Variants in SDCCAG8 observed in about 807,000 individuals in gnomAD.
SDCCAG8 encodes serologically defined colon cancer antigen 8.
In SDCCAG8, 74 loss-of-function variants were observed where a neutral mutation model predicts 101.8. The observed-to-expected ratio is 0.73, with a 90% CI of 0.60 to 0.88. SDCCAG8 has a LOEUF of 0.88. Ranked by LOEUF, SDCCAG8 falls within the 40% of genes least tolerant of loss-of-function variation. The probability of loss-of-function intolerance (pLI) is 0.00; values close to 1 mark genes in which losing one functional copy is unlikely to be tolerated. For synonymous variants in SDCCAG8, 281 were observed against 292.9 expected (o/e 0.96, Z 0.41); for missense variants, 787 against 822.6 (o/e 0.96, Z 0.53).
In SDCCAG8 at chr1:243,316,804, G is replaced by A; in HGVS notation, c.979G>A (p.Ala327Thr). The change falls in exon 9 of 18, where the codon GCA (alanine) becomes ACA (threonine). Residue 327 changes from alanine (A) to threonine (T), a missense_variant. Coordinates refer to ENST00000366541, the MANE Select transcript of SDCCAG8 (RefSeq NM_006642.5). ...ACTAGTTTCCGTAAGGAGCAGCTTGGCAGATACGCAGCAAAGAGAAGCAAG... is the reference window on the plus strand; with the variant it reads ...ACTAGTTTCCGTAAGGAGCAGCTTGACAGATACGCAGCAAAGAGAAGCAAG... Reference protein sequence around the residue: ...SALVSVRSSLADTQQREASAY... With the variant: ...SALVSVRSSLTDTQQREASAY... The A allele has an allele frequency of 6.2e-7, 1 of 1,614,194 alleles. No homozygotes were observed. The highest frequency in any genetic ancestry group is 8.5e-7 in the Non-Finnish European group (1 of 1,180,024).
At chr1:243,317,319 ATTTTTT>A (rs34669151) in intron 9 of SDCCAG8, among the ~76,000 whole-genome samples, 2 of 133,582 alleles carry the variant, frequency 1.5e-5, no homozygotes, top group South Asian at 4.8e-4. Flanking sequence ...ATTTAGTAGC[ATTTTTT>A]TTTTTTTTTT....
chr1:243,399,155 A>G (rs1218445380), intron 13 of SDCCAG8, among the ~76,000 whole-genome samples: 1 of 152,276 alleles, frequency 6.6e-6, no homozygotes, highest in Non-Finnish European at 1.5e-5. Context: ...ATCTAGCTCA[A>G]CACTTATAAT....
intron 13 of SDCCAG8, among the ~76,000 whole-genome samples, chr1:243,388,698 CAAAAAAAA>C (rs11296139): frequency 1.5e-5 from 2 of 134,336 alleles, no homozygotes; most frequent in Non-Finnish European, 3.2e-5. Flanking sequence ...CCAGCTCTAC[CAAAAAAAA>C]AAAAAAAAAA....
chr1:243,370,951 G>T (rs917387307), intron 12 of SDCCAG8, among the ~76,000 whole-genome samples: 1 of 152,112 alleles, frequency 6.6e-6, no homozygotes, highest in Non-Finnish European at 1.5e-5. Flanking sequence ...TTGATTCTTA[G>T]GCTGGCGTGG....
chr1:243,477,216 G>A (rs541102267), intron 16 of SDCCAG8, among the ~76,000 whole-genome samples: 6 of 152,192 alleles, frequency 3.9e-5, no homozygotes, highest in East Asian at 3.8e-4. Context: ...TACAGTGTGC[G>A]TGGCAGTGTG....
At chr1:243,451,431 G>A (rs542437749) in intron 16 of SDCCAG8, among the ~76,000 whole-genome samples, 19 of 151,938 alleles carry the variant, frequency 1.3e-4, no homozygotes, top group Non-Finnish European at 1.9e-4. Flanking sequence ...CCTATCTCCC[G>A]CTTTCCTTAA....
At chr1:243,385,830 A>G (rs2078249506) in intron 13 of SDCCAG8, among the ~76,000 whole-genome samples, 1 of 152,126 alleles carries the variant, frequency 6.6e-6, no homozygotes, top group Non-Finnish European at 1.5e-5. Context: ...TTAGCCAGGC[A>G]TGGTGTTGCA....
Position 243,489,160 on chromosome 1 carries a change from G to T in SDCCAG8, c.2112+20G>T, listed in dbSNP as rs1174595326. The T allele has an allele frequency of 2.5e-6, 4 of 1,610,158 alleles. No individual in the cohort carries two copies. The Admixed American group carries it at 5.0e-5, about 20-fold the overall frequency. On this transcript the variant is annotated intron_variant, in intron 17 of 17. Coordinates refer to ENST00000366541, the MANE Select transcript of SDCCAG8 (RefSeq NM_006642.5). ...ACCCAGGTACTGTGCAGAACGCGGCGCAGGTGGGAGTCCTTGGGCGGGCGT... is the reference window on the plus strand; with the variant it reads ...ACCCAGGTACTGTGCAGAACGCGGCTCAGGTGGGAGTCCTTGGGCGGGCGT...
intron 4 of SDCCAG8, among the ~76,000 whole-genome samples, chr1:243,281,502 A>G (rs1391507261): frequency 6.6e-6 from 1 of 151,670 alleles, no homozygotes. Flanking sequence ...GACAGTCTCT[A>G]TCTTTTAGTT....
chr1:243,439,878 A>C (rs775726958), intron 16 of SDCCAG8, among the ~76,000 whole-genome samples: 8 of 152,220 alleles, frequency 5.3e-5, no homozygotes, highest in Admixed American at 3.9e-4. Flanking sequence ...GGCTTGGACT[A>C]CAAGTGACAG....
chr1:243,393,244 G>A (rs570328181), intron 13 of SDCCAG8, among the ~76,000 whole-genome samples: 5 of 152,172 alleles, frequency 3.3e-5, no homozygotes, highest in African/African-American at 7.2e-5. Flanking sequence ...TGGTAGCCGG[G>A]TGCCAGGTAG....
At position 243,270,969 on chromosome 1, in the gene SDCCAG8, G is replaced by T. The variant is rs775278964; in HGVS notation, c.221-9G>T. ...TAAGGTTAATAAACCCTCTGCTTTT[G>T]CTCTATAGTTAATCAGCTCAAAGAT... On this transcript the variant is annotated splice_polypyrimidine_tract_variant and intron_variant, in intron 2 of 17. Coordinates refer to ENST00000366541, the MANE Select transcript of SDCCAG8 (RefSeq NM_006642.5). 3.1e-6 allele frequency: 5 copies of T among 1,602,792 alleles called. No homozygotes were observed. Among genetic ancestry groups the T allele is most frequent in the Non-Finnish European group, 4.3e-6 (5 of 1,170,088 alleles).
At chr1:243,314,847 C>CTA (rs1365066148) in intron 8 of SDCCAG8, among the ~76,000 whole-genome samples, 19 of 152,270 alleles carry the variant, frequency 1.2e-4, no homozygotes, top group African/African-American at 4.3e-4. Context: ...GTAGCTGGGA[C>CTA]TACAGGTGCG....
intron 2 of SDCCAG8, among the ~76,000 whole-genome samples, chr1:243,270,574 C>T (rs1308170920): frequency 6.6e-6 from 1 of 152,176 alleles, no homozygotes. Flanking sequence ...ATAACCTCCT[C>T]TCTATGCTTT....
intron 17 of SDCCAG8, among the ~76,000 whole-genome samples, chr1:243,497,390 G>C (rs1201592668): frequency 1.3e-5 from 2 of 151,826 alleles, no homozygotes; most frequent in Non-Finnish European, 2.9e-5. Context: ...TGAAAGTGGG[G>C]ATGGATATGG....
intron 16 of SDCCAG8, among the ~76,000 whole-genome samples, chr1:243,469,707 C>T (rs1024490196): frequency 6.6e-6 from 1 of 152,006 alleles, no homozygotes; most frequent in African/African-American, 2.4e-5. Context: ...TGGGCATATT[C>T]ATGAGGTAAT....
chr1:243,472,930 A>G (rs1661537721), intron 16 of SDCCAG8, among the ~76,000 whole-genome samples: 1 of 152,248 alleles, frequency 6.6e-6, no homozygotes, highest in Non-Finnish European at 1.5e-5. Flanking sequence ...GAAATTTCAG[A>G]TAAAGTACTA....
At chr1:243,272,290 A>G (rs778695210) in intron 3 of SDCCAG8, among the ~76,000 whole-genome samples, 4 of 152,204 alleles carry the variant, frequency 2.6e-5, no homozygotes, top group Non-Finnish European at 5.9e-5. Flanking sequence ...GAGACATGTC[A>G]CTTTCTTTTC....
chr1:243,365,272 A>G (rs1359023446), intron 12 of SDCCAG8, among the ~76,000 whole-genome samples: 4 of 152,044 alleles, frequency 2.6e-5, no homozygotes, highest in African/African-American at 7.2e-5. Context: ...CTAAAGGCCT[A>G]TTTTGTTTTT....
Sources: allele counts gnomAD v4.1 joint callset (sites outside exome capture counted in the v4.1 genomes callset), GRCh38; gene constraint gnomAD v4.1.1; transcripts MANE v1.5; gene names NCBI Gene and HGNC (gene_info 2026-07-23, HGNC 2026-07-21).